Variants in ERBB4 observed in about 807,000 individuals in gnomAD.
ERBB4 encodes erb-b2 receptor tyrosine kinase 4, also known as receptor tyrosine-protein kinase erbB-4.
In ERBB4, 42 loss-of-function variants were observed where a neutral mutation model predicts 158.0. The observed-to-expected ratio is 0.27, with a 90% CI of 0.21 to 0.34. ERBB4 has a LOEUF of 0.34. Among genes scored for constraint, ERBB4 ranks in the 10% least tolerant of loss-of-function variants. ERBB4 has a pLI of 1.00. For synonymous variants in ERBB4, 583 were observed against 558.7 expected (o/e 1.04, Z -0.61); for missense variants, 1,333 against 1,624.1 (o/e 0.82, Z 3.08).
In ERBB4 at chr2:212,331,058, G is replaced by GTATATATATATATATA; in HGVS notation, c.83-206156_83-206155insTATATATATATATATA. Among the ~76,000 whole-genome samples the GTATATATATATATATA allele has an allele frequency of 5.6e-3, 317 of 56,226 alleles. 17 individuals are homozygous for GTATATATATATATATA. Among genetic ancestry groups the GTATATATATATATATA allele is most frequent in the African/African-American group, 0.012 (295 of 25,286 alleles). 36.9% of individuals were successfully genotyped at this position (56,226 alleles called of 152,430 possible). ...AGTAAGTTTCCCATATTTGTAATTT[G>GTATATATATATATATA]TATATATATATATACACATATATAT... On this transcript the variant is annotated intron_variant, in intron 1 of 27. Transcript: ENST00000342788.
intron 5 of ERBB4, among the ~76,000 whole-genome samples, chr2:211,727,896 T>G (rs1221964099): frequency 6.6e-6 from 1 of 151,992 alleles, no homozygotes; most frequent in Non-Finnish European, 1.5e-5. Context: ...TTTTTTACCA[T>G]AAGCTTATAG....
intron 20 of ERBB4, among the ~76,000 whole-genome samples, chr2:211,545,199 C>T (rs528816563): frequency 4.6e-5 from 7 of 152,026 alleles, no homozygotes; most frequent in African/African-American, 1.2e-4. Flanking sequence ...AATGGCTAGA[C>T]GCTTAACATT....
At chr2:211,826,950 T>G (rs533824602) in intron 3 of ERBB4, among the ~76,000 whole-genome samples, 1 of 152,022 alleles carries the variant, frequency 6.6e-6, no homozygotes, top group Non-Finnish European at 1.5e-5. Flanking sequence ...CTTTTGCATG[T>G]GTGTATATAT....
intron 1 of ERBB4, among the ~76,000 whole-genome samples, chr2:212,530,308 T>C (rs1429234687): frequency 1.3e-5 from 2 of 152,058 alleles, no homozygotes; most frequent in Non-Finnish European, 2.9e-5. Context: ...CTAGACAAAA[T>C]TACCAGACAA....
intron 15 of ERBB4, among the ~76,000 whole-genome samples, chr2:211,663,164 G>A (rs2071497074): frequency 6.6e-6 from 1 of 152,122 alleles, no homozygotes; most frequent in Non-Finnish European, 1.5e-5. Flanking sequence ...ATTTATATGA[G>A]GATTTAGGAA....
chr2:212,091,058 T>TC (rs2125492662), intron 2 of ERBB4, among the ~76,000 whole-genome samples: 1 of 152,230 alleles, frequency 6.6e-6, no homozygotes, highest in South Asian at 2.1e-4. Flanking sequence ...CATAACTGTT[T>TC]CCCAAAACTG....
intron 4 of ERBB4, among the ~76,000 whole-genome samples, chr2:211,776,008 G>A (rs1302906150): frequency 6.6e-6 from 1 of 152,146 alleles, no homozygotes; most frequent in Non-Finnish European, 1.5e-5. Flanking sequence ...CCTCTAGAGG[G>A]ATGTAAAGCA....
chr2:212,431,618 T>A (rs926900162), intron 1 of ERBB4, among the ~76,000 whole-genome samples: 1 of 152,196 alleles, frequency 6.6e-6, no homozygotes, highest in Non-Finnish European at 1.5e-5. Context: ...GCTTCTCCTA[T>A]GTCTGAGAAT....
chr2:212,462,383 C>A (rs1224481885), intron 1 of ERBB4, among the ~76,000 whole-genome samples: 7 of 152,108 alleles, frequency 4.6e-5, no homozygotes, highest in Admixed American at 4.6e-4. Context: ...GCAGAATATA[C>A]AATGAGCTCA....
intron 20 of ERBB4, among the ~76,000 whole-genome samples, chr2:211,448,183 G>T (rs2064158308): frequency 6.6e-6 from 1 of 152,000 alleles, no homozygotes; most frequent in African/African-American, 2.4e-5. Flanking sequence ...ACGTTGGCCA[G>T]ACTAGTCTCA....
At chr2:211,658,548 C>T (rs2071305603) in intron 15 of ERBB4, among the ~76,000 whole-genome samples, 1 of 152,056 alleles carries the variant, frequency 6.6e-6, no homozygotes, top group Non-Finnish European at 1.5e-5. Flanking sequence ...TTGTGCCTGT[C>T]TTTAAAAGAT....
At chr2:211,599,538 T>TG in intron 19 of ERBB4, among the ~76,000 whole-genome samples, 1 of 150,242 alleles carries the variant, frequency 6.7e-6, no homozygotes, top group East Asian at 2.0e-4. Flanking sequence ...TGTGTGTGTT[T>TG]CCTGTCAAGT....
intron 1 of ERBB4, among the ~76,000 whole-genome samples, chr2:212,490,281 A>G (rs1690203177): frequency 1.3e-5 from 2 of 151,892 alleles, no homozygotes; most frequent in African/African-American, 4.8e-5. Context: ...AGCTTCTAGC[A>G]CAATGCCTTG....
At chr2:211,903,575 A>G (rs1410347264) in intron 3 of ERBB4, among the ~76,000 whole-genome samples, 1 of 152,070 alleles carries the variant, frequency 6.6e-6, no homozygotes. Flanking sequence ...TGAGTAAACA[A>G]TTTAAATTTT....
chr2:212,097,455 A>T (rs577467581), intron 2 of ERBB4, among the ~76,000 whole-genome samples: 3 of 152,340 alleles, frequency 2.0e-5, no homozygotes, highest in East Asian at 3.9e-4. Flanking sequence ...GGTGGCAGAT[A>T]GTTTGGTGAA....
intron 1 of ERBB4, among the ~76,000 whole-genome samples, chr2:212,330,978 G>A (rs2088112854): frequency 6.8e-6 from 1 of 148,120 alleles, no homozygotes; most frequent in Non-Finnish European, 1.5e-5. Flanking sequence ...TTTGCAACCA[G>A]AAGGATCTGA....
intron 1 of ERBB4, among the ~76,000 whole-genome samples, chr2:212,342,111 C>A (rs2088749672): frequency 6.6e-6 from 1 of 152,014 alleles, no homozygotes; most frequent in African/African-American, 2.4e-5. Flanking sequence ...GTAAAAACAA[C>A]AAAACATCCA....
At chr2:212,394,051 A>G (rs2371483) in intron 1 of ERBB4, among the ~76,000 whole-genome samples, 14,286 of 152,122 alleles carry the variant, frequency 0.094, 818 homozygotes, top group Non-Finnish European at 0.13. Context: ...TTTACCTCTA[A>G]TGCCACTGGA....
intron 19 of ERBB4, among the ~76,000 whole-genome samples, chr2:211,563,689 T>A (rs937281782): frequency 2.6e-5 from 4 of 152,212 alleles, no homozygotes; most frequent in Admixed American, 1.3e-4. Context: ...TATTCTTTGA[T>A]CTTAGAAGAT....
Sources: allele counts gnomAD v4.1 joint callset (sites outside exome capture counted in the v4.1 genomes callset), GRCh38; gene constraint gnomAD v4.1.1; transcripts MANE v1.5; gene names NCBI Gene and HGNC (gene_info 2026-07-23, HGNC 2026-07-21).